Variants in MTUS1 observed in about 807,000 individuals in gnomAD.
The protein encoded by MTUS1 is microtubule-associated tumor suppressor 1.
MTUS1 carries 109 observed loss-of-function variants against 120.8 expected under a neutral mutation model. That is an observed-to-expected ratio of 0.90 (90% confidence interval 0.77 to 1.06). The LOEUF is 1.06. Ranked by LOEUF, MTUS1 falls within the 50% of genes least tolerant of loss-of-function variation. MTUS1 has a pLI of 0.00. For synonymous variants in MTUS1, 737 were observed against 550.5 expected (o/e 1.34, Z -4.74); for missense variants, 2,210 against 1,486.3 (o/e 1.49, Z -8.01).
rs767418306 is a variant in MTUS1 at position 17,715,857 on chromosome 8, G to C, written c.2494C>G (p.Pro832Ala). 19 of 1,613,844 alleles carry C rather than the reference G, an allele frequency of 1.2e-5. No homozygotes were observed. Among genetic ancestry groups the C allele is most frequent in the Non-Finnish European group, 1.5e-5 (18 of 1,179,942 alleles). ...CCTGAGGAACCATTCTGAAATGCTG[G>C]TTTTGGAGGTTTCTCCTCATATTTG... ...VIKYEEKPPK[P>A]AFQNGSSGSF... The change falls in exon 5 of 15, where the codon CCA (proline) becomes GCA (alanine). Residue 832 changes from proline to alanine, a missense_variant. Pro to Ala is a conservative substitution (Grantham distance 27). Coordinates refer to ENST00000693296, the MANE Select transcript of MTUS1 (RefSeq NM_001363059.2).
intron 6 of MTUS1, among the ~76,000 whole-genome samples, chr8:17,687,193 G>C (rs571898200): frequency 6.6e-6 from 1 of 152,272 alleles, no homozygotes; most frequent in East Asian, 1.9e-4. Flanking sequence ...CGTGGCGCTG[G>C]AAACTCGTGC....
chr8:17,765,103 C>T (rs1187279629), intron 1 of MTUS1, among the ~76,000 whole-genome samples: 1 of 152,158 alleles, frequency 6.6e-6, no homozygotes, highest in South Asian at 2.1e-4. Context: ...AGCTCGCAAC[C>T]TAGATACCTC....
intron 6 of MTUS1, among the ~76,000 whole-genome samples, chr8:17,696,175 C>G (rs1302042657): frequency 1.3e-5 from 2 of 152,102 alleles, no homozygotes; most frequent in African/African-American, 2.4e-5. Context: ...TGCCTCCCCC[C>G]ATTTACCGTC....
intron 2 of MTUS1, among the ~76,000 whole-genome samples, chr8:17,751,877 A>AC (rs953375588): frequency 1.3e-5 from 2 of 150,686 alleles, no homozygotes; most frequent in African/African-American, 4.9e-5. Context: ...AAAAAAAAAA[A>AC]AAAAAAAAAG....
chr8:17,750,055 C>G (rs1422471726), intron 2 of MTUS1, among the ~76,000 whole-genome samples: 2 of 152,170 alleles, frequency 1.3e-5, no homozygotes, highest in East Asian at 1.9e-4. Flanking sequence ...CTCTAAAATC[C>G]GTGCTTGTAA....
In MTUS1 at chr8:17,649,941, G is replaced by C. The variant is rs749111698; in HGVS notation, c.3406C>G (p.Leu1136Val). 10 of 1,605,166 alleles carry C rather than the reference G, an allele frequency of 6.2e-6. No individual in the cohort carries two copies. The highest frequency in any genetic ancestry group is 8.5e-6 in the Non-Finnish European group (10 of 1,172,190). Reference sequence around the variant, plus strand: ...TTCAGGCTTTCTAACTCCTGTTCTAGATACATGATCTGAGGATTTTTCTGG... The same window carrying C: ...TTCAGGCTTTCTAACTCCTGTTCTACATACATGATCTGAGGATTTTTCTGG... ...ANLKNPQIMY[L>V]EQELESLKAV... is the part of the protein sequence containing the mutation. Residue 1136 changes from leucine (L) to valine (V), a missense_variant, in exon 13 of 15, where the codon CTA becomes GTA. By Grantham distance (32) the Leu-to-Val change is conservative. Coordinates refer to ENST00000693296, the MANE Select transcript of MTUS1 (RefSeq NM_001363059.2).
At chr8:17,691,009 A>G (rs1358099675) in intron 6 of MTUS1, among the ~76,000 whole-genome samples, 1 of 150,330 alleles carries the variant, frequency 6.7e-6, no homozygotes, top group Admixed American at 6.7e-5. Flanking sequence ...ACATTAATTT[A>G]TAGGGTAATT....
At chr8:17,705,398 C>T (rs1819958559) in intron 6 of MTUS1, among the ~76,000 whole-genome samples, 1 of 152,012 alleles carries the variant, frequency 6.6e-6, no homozygotes, top group Admixed American at 6.6e-5. Context: ...GTTTTAATTA[C>T]TTTGTGTGTT....
intron 6 of MTUS1, chr8:17,691,440 A>T (rs1359756914): frequency 6.6e-6 from 1 of 152,266 alleles, no homozygotes; most frequent in Non-Finnish European, 1.5e-5. Flanking sequence ...GCTTGGAATC[A>T]ATCCACGACA....
intron 7 of MTUS1, chr8:17,676,078 G>A (rs1260900673): frequency 5.3e-6 from 3 of 568,640 alleles, no homozygotes; most frequent in South Asian, 2.3e-5. Context: ...TTCAAAGCTC[G>A]CTGAAAAATG....
intron 4 of MTUS1, among the ~76,000 whole-genome samples, chr8:17,719,663 C>G (rs1300576759): frequency 6.6e-6 from 1 of 152,142 alleles, no homozygotes; most frequent in African/African-American, 2.4e-5. Flanking sequence ...CCCTCTGAAC[C>G]TGGAGGCACC....
At chr8:17,790,053 T>C (rs2051641408) in intron 1 of MTUS1, among the ~76,000 whole-genome samples, 1 of 152,088 alleles carries the variant, frequency 6.6e-6, no homozygotes, top group Non-Finnish European at 1.5e-5. Context: ...ATTTCTACTT[T>C]TAAAAAAAGT....
At chr8:17,792,635 G>A (rs2051891563) in intron 1 of MTUS1, among the ~76,000 whole-genome samples, 1 of 152,236 alleles carries the variant, frequency 6.6e-6, no homozygotes, top group Non-Finnish European at 1.5e-5. Context: ...AGGACAAGGT[G>A]GACAGATCGC....
At chr8:17,684,199 A>G (rs1353479215) in intron 7 of MTUS1, 129 bp downstream of exon 7, 13 of 679,500 alleles carry the variant, frequency 1.9e-5, no homozygotes, top group Non-Finnish European at 3.4e-5. Flanking sequence ...CAAAAATGTA[A>G]TGGGATGAAT....
chr8:17,693,385 C>G (rs1817335250), intron 6 of MTUS1: 1 of 152,174 alleles, frequency 6.6e-6, no homozygotes, highest in Admixed American at 6.5e-5. Flanking sequence ...GGAAAGATAA[C>G]CTCGATCCAA....
At chr8:17,726,887 T>TTCC (rs1238720828) in intron 3 of MTUS1, among the ~76,000 whole-genome samples, 1 of 152,194 alleles carries the variant, frequency 6.6e-6, no homozygotes, top group Non-Finnish European at 1.5e-5. Context: ...CAGCCAAGGC[T>TTCC]TCCTACATTT....
At chr8:17,719,078 G>T (rs773227278) in intron 4 of MTUS1, among the ~76,000 whole-genome samples, 3 of 152,082 alleles carry the variant, frequency 2.0e-5, no homozygotes, top group Non-Finnish European at 2.9e-5. Flanking sequence ...GCTGAGGTGG[G>T]AGAACTGCTT....
chr8:17,654,141 A>T (rs2130203958), intron 10 of MTUS1: 1 of 184,444 alleles, frequency 5.4e-6, no homozygotes, highest in Non-Finnish European at 1.1e-5. Context: ...CCCACTGATG[A>T]CAGATGAAAA....
At chr8:17,760,538 G>A (rs1052173592) in intron 1 of MTUS1, among the ~76,000 whole-genome samples, 16 of 152,040 alleles carry the variant, frequency 1.1e-4, no homozygotes, top group African/African-American at 3.1e-4. Flanking sequence ...ACCGGCCTTC[G>A]CTCAGGAGTT....
Sources: allele counts gnomAD v4.1 joint callset (sites outside exome capture counted in the v4.1 genomes callset), GRCh38; gene constraint gnomAD v4.1.1; transcripts MANE v1.5; gene names NCBI Gene and HGNC (gene_info 2026-07-23, HGNC 2026-07-21).